Variants in CAST observed in about 807,000 individuals in gnomAD.
CAST encodes MIR583 host.
CAST carries 76 observed loss-of-function variants against 119.6 expected under a neutral mutation model. The ratio of observed to expected loss-of-function variants is 0.64; its 90% CI spans 0.53 to 0.77. The LOEUF (loss-of-function observed/expected upper bound fraction) is 0.77, where lower values mean the gene tolerates loss of function less well. Ranked by LOEUF, CAST falls within the 30% of genes least tolerant of loss-of-function variation. CAST has a pLI of 0.00. For synonymous variants in CAST, 319 were observed against 331.6 expected, an observed-to-expected ratio of 0.96 and a Z score of 0.41; for missense variants, 953 against 946.5, an observed-to-expected ratio of 1.01 and a Z score of -0.09.
At chr5:96,173,257 T>C in the CAST span, among the ~76,000 whole-genome samples, 1 of 152,214 alleles carries the variant, frequency 6.6e-6, no homozygotes, top group African/African-American at 2.4e-5. Flanking sequence ...AGATGTTAAA[T>C]TGGATATAAT....
rs1770605488 is a variant in CAST at position 96,767,931 on chromosome 5, A to G, written c.2200A>G (p.Ile734Val). The change falls in exon 29 of 32, where the codon ATT becomes GTT. Residue 734 changes from isoleucine to valine, a missense_variant. Coordinates refer to ENST00000675179, the MANE Select transcript of CAST (RefSeq NM_001750.7). ...GAAACCTGCAGATGACCAAGACCCC[A>G]TTGATGCTCTCTCAGGAGATCTGGA... ...SKKPADDQDP[I>V]DALSGDLDSC... The G allele has an allele frequency of 3.1e-6, 5 of 1,613,382 alleles. No individual in the cohort carries two copies. The highest frequency in any genetic ancestry group is 4.2e-6 in the Non-Finnish European group (5 of 1,179,514).
chr5:96,741,842 G>A, intron 15 of CAST: 2 of 338,980 alleles, frequency 5.9e-6, no homozygotes, highest in East Asian at 5.5e-5. Context: ...TACACAGAAG[G>A]GCAGAAACCA....
intron 3 of CAST, among the ~76,000 whole-genome samples, chr5:96,718,545 TA>T (rs368759549): frequency 3.7e-4 from 54 of 144,312 alleles, no homozygotes; most frequent in East Asian, 6.0e-4. Flanking sequence ...ACCTAAAAGT[TA>T]AAAAAAAAAA....
At chr5:96,115,311 A>G in the CAST span, among the ~76,000 whole-genome samples, 4 of 152,232 alleles carry the variant, frequency 2.6e-5, no homozygotes, top group African/African-American at 4.8e-5. Flanking sequence ...TCATCAAAAC[A>G]AACAATAAAA....
At chr5:96,432,600 A>G in the CAST span, among the ~76,000 whole-genome samples, 1 of 152,162 alleles carries the variant, frequency 6.6e-6, no homozygotes, top group Admixed American at 6.5e-5. Flanking sequence ...ACGGATTTCA[A>G]TTCTAGAGCG....
At chr5:96,513,234 C>T in the CAST span, among the ~76,000 whole-genome samples, 10 of 152,214 alleles carry the variant, frequency 6.6e-5, no homozygotes, top group Admixed American at 6.5e-4. Flanking sequence ...CCTGTAGCTT[C>T]TGTATTCATG....
chr5:96,226,218 G>T, the CAST span, among the ~76,000 whole-genome samples: 2 of 152,142 alleles, frequency 1.3e-5, no homozygotes, highest in Admixed American at 6.5e-5. Flanking sequence ...TATAGACTGG[G>T]TGTCTTCCCT....
At chr5:96,174,726 C>A in the CAST span, among the ~76,000 whole-genome samples, 1 of 152,128 alleles carries the variant, frequency 6.6e-6, no homozygotes, top group African/African-American at 2.4e-5. Flanking sequence ...TCTTTTCTAA[C>A]CAATCAAAAT....
the CAST span, among the ~76,000 whole-genome samples, chr5:96,257,420 C>G: frequency 6.6e-6 from 1 of 152,122 alleles, no homozygotes; most frequent in Admixed American, 6.6e-5. Flanking sequence ...AATGTTTTCA[C>G]TTGGGAGGCT....
the CAST span, chr5:96,412,946 A>G: frequency 2.0e-6 from 2 of 1,020,418 alleles, no homozygotes; most frequent in South Asian, 7.6e-5. Context: ...CCCTCCAAGC[A>G]GCCCTCTGGT....
At chr5:95,978,020 G>A in the CAST span, among the ~76,000 whole-genome samples, 1 of 150,680 alleles carries the variant, frequency 6.6e-6, no homozygotes. Context: ...CGGTGTGTAT[G>A]TACCACATTT....
the CAST span, among the ~76,000 whole-genome samples, chr5:96,511,938 A>T: frequency 7.9e-5 from 12 of 152,342 alleles, no homozygotes; most frequent in African/African-American, 2.9e-4. Flanking sequence ...GTTACCTGGC[A>T]CAGAAAGCCT....
the CAST span, among the ~76,000 whole-genome samples, chr5:96,271,652 G>GAA: frequency 1.1e-4 from 14 of 131,212 alleles, no homozygotes; most frequent in African/African-American, 2.5e-4. Flanking sequence ...AAACCACTAG[G>GAA]AAAAAAAAAA....
At chr5:96,442,185 G>A in the CAST span, among the ~76,000 whole-genome samples, 1 of 152,184 alleles carries the variant, frequency 6.6e-6, no homozygotes, top group East Asian at 1.9e-4. Context: ...AATATTTTAA[G>A]CAGGTAAGTA....
intron 2 of CAST, among the ~76,000 whole-genome samples, chr5:96,679,918 G>A (rs1285000334): frequency 6.6e-6 from 1 of 151,746 alleles, no homozygotes; most frequent in Non-Finnish European, 1.5e-5. Flanking sequence ...CTAAACTTGT[G>A]TGTATATACT....
At chr5:96,296,676 T>G in the CAST span, among the ~76,000 whole-genome samples, 329 of 152,338 alleles carry the variant, frequency 2.2e-3, 2 homozygotes, top group African/African-American at 7.5e-3. Flanking sequence ...GAATTGAAAC[T>G]GAGCAGAGAT....
At chr5:96,065,327 A>G in the CAST span, among the ~76,000 whole-genome samples, 2 of 151,962 alleles carry the variant, frequency 1.3e-5, no homozygotes, top group South Asian at 4.1e-4. Flanking sequence ...TGAGGAAAAA[A>G]ATTACTGGGG....
intron 20 of CAST, among the ~76,000 whole-genome samples, 194 bp downstream of exon 20, chr5:96,750,876 TAATTA>T (rs950256548): frequency 1.3e-5 from 2 of 152,226 alleles, no homozygotes; most frequent in African/African-American, 4.8e-5. Flanking sequence ...TTTAAATTTT[TAATTA>T]AATTACTCCC....
At chr5:96,083,364 G>A in the CAST span, among the ~76,000 whole-genome samples, 1 of 152,128 alleles carries the variant, frequency 6.6e-6, no homozygotes, top group African/African-American at 2.4e-5. Context: ...TGACCACCTG[G>A]CCTCAGTGTA....
Sources: gnomAD v4.1 joint callset for allele counts (sites outside exome capture counted in the v4.1 genomes callset) on GRCh38, gnomAD v4.1.1 for gene constraint, MANE v1.5 for transcripts, NCBI Gene and HGNC (gene_info 2026-07-23, HGNC 2026-07-21) for gene names.